LRRC7: variants seen among roughly 807,000 people sequenced by gnomAD.
LRRC7 encodes the protein leucine rich repeat containing 7.
A neutral mutation model predicts 175.7 loss-of-function variants in LRRC7; 23 were observed. That is an observed-to-expected ratio of 0.13 (90% confidence interval 0.09 to 0.19). The LOEUF is 0.19. Among genes scored for constraint, LRRC7 ranks in the 10% least tolerant of loss-of-function variants. The probability of loss-of-function intolerance (pLI) is 1.00; values close to 1 mark genes in which losing one functional copy is unlikely to be tolerated. For synonymous variants in LRRC7, 685 were observed against 680.9 expected (o/e 1.01, Z -0.09); for missense variants, 1,354 against 1,904.7 (o/e 0.71, Z 5.38).
intron 1 of LRRC7, among the ~76,000 whole-genome samples, chr1:69,645,034 G>A (rs1031656743): frequency 6.6e-6 from 1 of 152,010 alleles, no homozygotes; most frequent in African/African-American, 2.4e-5. Flanking sequence ...TTAATCGAGT[G>A]CCTTCTTCAA....
chr1:69,643,625 G>A (rs1271120613), intron 1 of LRRC7, among the ~76,000 whole-genome samples: 1 of 152,120 alleles, frequency 6.6e-6, no homozygotes, highest in Non-Finnish European at 1.5e-5. Context: ...GCTAGGTCAT[G>A]TGATGGATGG....
rs1553183906 is a variant in LRRC7 at position 69,978,950 on chromosome 1, A to AC, written c.712-1429_712-1428insC. ...TCAGTTAGAAAAAAAAAAAAAAAAA[A>AC]ACAGAAAATCTGCCTTCCAGGCTTA... is the stretch of plus-strand genomic sequence containing the variant. On this transcript the variant is annotated intron_variant, in intron 8 of 26. Transcript: ENST00000651989. Among the ~76,000 whole-genome samples the AC allele has an allele frequency of 3.6e-3, 539 of 150,224 alleles. 5 individuals are homozygous for AC. Among genetic ancestry groups the AC allele is most frequent in the African/African-American group, 0.012 (488 of 40,380 alleles).
At chr1:70,011,454 C>CT (rs1656500822) in intron 11 of LRRC7, among the ~76,000 whole-genome samples, 1 of 152,092 alleles carries the variant, frequency 6.6e-6, no homozygotes, top group Admixed American at 6.6e-5. Context: ...CACCCTTCTC[C>CT]TTACCCCATG....
In LRRC7 at chr1:70,039,288, A is replaced by G; in HGVS notation, c.3464A>G (p.Asp1155Gly). The G allele has an allele frequency of 6.2e-7, 1 of 1,613,862 alleles. No individual in the cohort carries two copies. The highest frequency in any genetic ancestry group is 1.1e-5 in the South Asian group (1 of 91,058). Reference sequence around the variant, plus strand: ...AGGGCGGGCTTCCTGAGAAGGGCCGACTCCCTGGTGAGCGCCACAGAAATG... The same window carrying G: ...AGGGCGGGCTTCCTGAGAAGGGCCGGCTCCCTGGTGAGCGCCACAGAAATG... ...GARAGFLRRA[D>G]SLVSATEMAM... The change falls in exon 21 of 27, where the codon GAC becomes GGC. Residue 1155 changes from aspartate (D) to glycine (G), a missense_variant. Physicochemically the swap from Asp to Gly is moderately conservative, Grantham distance 94 (BLOSUM62 -1). Around this residue, in one of 4 missense-constraint regions of LRRC7, gnomAD observed 1,032 missense variants for 1,227.2 expected, o/e 0.84. Coordinates refer to ENST00000651989, the MANE Select transcript of LRRC7 (RefSeq NM_001370785.2).
At chr1:69,788,261 T>C (rs1674718031) in intron 3 of LRRC7, among the ~76,000 whole-genome samples, 1 of 152,174 alleles carries the variant, frequency 6.6e-6, no homozygotes, top group Non-Finnish European at 1.5e-5. Context: ...TGTAAGTCTA[T>C]GTGTTATTTT....
At chr1:70,083,596 C>G (rs1467860978) in intron 24 of LRRC7, among the ~76,000 whole-genome samples, 2 of 152,180 alleles carry the variant, frequency 1.3e-5, no homozygotes, top group Non-Finnish European at 2.9e-5. Context: ...CTTCGTCTCT[C>G]TCCTTCACTC....
At chr1:70,029,569 A>G (rs1230223075) in intron 18 of LRRC7, among the ~76,000 whole-genome samples, 1 of 152,130 alleles carries the variant, frequency 6.6e-6, no homozygotes, top group Non-Finnish European at 1.5e-5. Flanking sequence ...TCCTTTCCAA[A>G]ATATTATGCA....
intron 4 of LRRC7, among the ~76,000 whole-genome samples, chr1:69,821,321 T>G (rs1453126384): frequency 6.6e-6 from 1 of 152,190 alleles, no homozygotes; most frequent in Non-Finnish European, 1.5e-5. Context: ...AAATGGGCTG[T>G]TTCCGATTTA....
chr1:70,036,144 T>G lies in LRRC7; in HGVS notation c.2019T>G (p.Asn673Lys), dbSNP rs144654091. 2,579 of 1,612,096 alleles carry G rather than the reference T, an allele frequency of 1.6e-3. 3 individuals carry two copies. The highest frequency in any genetic ancestry group is 1.8e-3 in the Non-Finnish European group (2,168 of 1,179,112). Residue 673 changes from asparagine (N) to lysine (K), a missense_variant, in exon 19 of 27, where the codon AAT (asparagine) becomes AAG (lysine). By Grantham distance (94) the Asn-to-Lys change is moderately conservative. This residue lies in a region of LRRC7 where 1,032 missense variants were observed against 1,227.2 expected (regional missense o/e 0.84). Coordinates refer to ENST00000651989, the MANE Select transcript of LRRC7 (RefSeq NM_001370785.2). The stretch of plus-strand genomic sequence containing the variant: ...AGGATTCTTTTGTTCATCCAGCTAA[T>G]GAAATGAGGATTGGGGAACTTCACC... ...TVEDSFVHPA[N>K]EMRIGELHPS...
chr1:70,044,588 A>C (rs1364444368), intron 22 of LRRC7, among the ~76,000 whole-genome samples: 1 of 152,058 alleles, frequency 6.6e-6, no homozygotes, highest in Non-Finnish European at 1.5e-5. Context: ...TCTTCAGCCC[A>C]TTTTTTTGCA....
At chr1:69,998,382 G>GA (rs1655210688) in intron 11 of LRRC7, among the ~76,000 whole-genome samples, 1 of 152,066 alleles carries the variant, frequency 6.6e-6, no homozygotes, top group Non-Finnish European at 1.5e-5. Context: ...TTCAAACTCA[G>GA]ATGTTCAGAC....
chr1:69,685,747 A>G (rs565507716), intron 2 of LRRC7, among the ~76,000 whole-genome samples: 1 of 152,242 alleles, frequency 6.6e-6, no homozygotes, highest in South Asian at 2.1e-4. Context: ...AATAACATAT[A>G]TAATATTTGT....
intron 9 of LRRC7, among the ~76,000 whole-genome samples, chr1:69,981,537 G>T (rs1653430001): frequency 1.3e-5 from 2 of 152,138 alleles, no homozygotes; most frequent in Admixed American, 1.3e-4. Flanking sequence ...AAAGCTCTAT[G>T]AATCAGAAAC....
At chr1:69,994,797 T>G (rs1463581871) in intron 11 of LRRC7, among the ~76,000 whole-genome samples, 164 bp downstream of exon 11, 1 of 152,210 alleles carries the variant, frequency 6.6e-6, no homozygotes, top group Admixed American at 6.6e-5. Flanking sequence ...TGTGTATATC[T>G]TAATTTTATA....
At chr1:69,716,771 T>C (rs912088545) in intron 2 of LRRC7, among the ~76,000 whole-genome samples, 2 of 151,820 alleles carry the variant, frequency 1.3e-5, no homozygotes, top group Non-Finnish European at 3.0e-5. Context: ...GGAGGTTCAA[T>C]GATGAAAGCA....
chr1:69,818,907 T>C (rs1389242335), intron 4 of LRRC7, among the ~76,000 whole-genome samples: 1 of 152,138 alleles, frequency 6.6e-6, no homozygotes, highest in Non-Finnish European at 1.5e-5. Flanking sequence ...TATCTTATCA[T>C]GATTTGTATA....
At chr1:69,884,876 T>C (rs948797237) in intron 7 of LRRC7, among the ~76,000 whole-genome samples, 1 of 143,966 alleles carries the variant, frequency 6.9e-6, no homozygotes, top group Non-Finnish European at 1.5e-5. Flanking sequence ...GAGATAATCA[T>C]GTGGTTTTTG....
intron 2 of LRRC7, among the ~76,000 whole-genome samples, chr1:69,737,659 T>C (rs1042246006): frequency 1.8e-4 from 27 of 152,052 alleles, no homozygotes; most frequent in Non-Finnish European, 3.7e-4. Flanking sequence ...CTAGTTTACT[T>C]CTATGTAGTG....
intron 2 of LRRC7, among the ~76,000 whole-genome samples, chr1:69,691,728 G>T (rs964572180): frequency 1.3e-5 from 2 of 149,866 alleles, no homozygotes; most frequent in African/African-American, 4.9e-5. Flanking sequence ...AGCCTGGGAG[G>T]TCGAGGCTGC....
Sources: allele counts gnomAD v4.1 joint callset (sites outside exome capture counted in the v4.1 genomes callset), GRCh38; gene constraint gnomAD v4.1.1; regional missense constraint gnomAD v4.1.1; transcripts MANE v1.5; gene names NCBI Gene and HGNC (gene_info 2026-07-23, HGNC 2026-07-21).